The following ACTN3 variants were observed in gnomAD, a reference collection of about 807,000 sequenced individuals.
ACTN3 encodes alpha-actinin-3.
Under a neutral mutation model 119.6 loss-of-function variants are expected in ACTN3, and 91 were observed. The observed-to-expected ratio is 0.76, with a 90% CI of 0.64 to 0.91. The LOEUF is 0.91. ACTN3 is among the 40% of genes least tolerant of loss of function. The pLI is 0.00. For synonymous variants in ACTN3, 456 were observed against 478.8 expected (o/e 0.95, Z 0.62); for missense variants, 1,221 against 1,215.1 (o/e 1.00, Z -0.07).
intron 3 of ACTN3, 41 bp downstream of exon 3, chr11:66,551,688 G>T: frequency 6.2e-7 from 1 of 1,609,650 alleles, no homozygotes; most frequent in Non-Finnish European, 8.5e-7. Context: ...GGGCACAGGG[G>T]CCTCTCTTGA....
Position 66,557,448 on chromosome 11 carries a change from G to C in ACTN3, c.897+223G>C, listed in dbSNP as rs529264586. On this transcript the variant is annotated intron_variant, in intron 9 of 20. Coordinates refer to ENST00000513398, the MANE Select transcript of ACTN3 (RefSeq NM_001104.4). Reference sequence around the variant, plus strand: ...TCATTCATCCATTTACTTCTGCATCGATCCATTCACTTGTATTTAAGTAGT... The same window carrying C: ...TCATTCATCCATTTACTTCTGCATCCATCCATTCACTTGTATTTAAGTAGT... Among the ~76,000 whole-genome samples, 6 of 152,296 alleles carry C rather than the reference G, an allele frequency of 3.9e-5. No homozygotes were observed. The East Asian group carries it at 5.8e-4, about 15-fold the overall frequency.
Position 66,561,513 on chromosome 11 carries a change from G to A in ACTN3, c.2051G>A (p.Gly684Glu), listed in dbSNP as rs1011099326. The change falls in exon 17 of 21, where the codon GGG becomes GAG. Residue 684 changes from glycine to glutamate, a missense_variant. By Grantham distance (98) the Gly-to-Glu change is moderately conservative (BLOSUM62 -2). Around this residue, in one of 3 missense-constraint regions of ACTN3, gnomAD observed 934 missense variants for 899.9 expected, o/e 1.04. Coordinates refer to ENST00000513398, the MANE Select transcript of ACTN3 (RefSeq NM_001104.4). ...GGCTCTCTGGAGGAGCAGATGGCTG[G>A]GCTACGGCAGCAGGAGCAGAACATT... The part of the protein sequence containing the change: ...LAGSLEEQMA[G>E]LRQQEQNIIN... 1 of 1,606,370 alleles carries A rather than the reference G, an allele frequency of 6.2e-7. No individual in the cohort carries two copies. Among genetic ancestry groups the A allele is most frequent in the Non-Finnish European group, 8.5e-7 (1 of 1,176,526 alleles).
chr11:66,559,529 C>A, intron 12 of ACTN3, 143 bp downstream of exon 12: 2 of 819,782 alleles, frequency 2.4e-6, no homozygotes, highest in African/African-American at 1.7e-5. Context: ...AGGTCCCATT[C>A]GCTCCGCCCC....
At position 66,554,312 on chromosome 11, in the gene ACTN3, G is replaced by A. The variant is rs1024614282; in HGVS notation, c.469+181G>A. ...TACCAAAAAAAAAAAAAAAAAAAAA[G>A]CTGGCCATGGTGGCATGTGCCTATA... On this transcript the variant is annotated intron_variant, in intron 4 of 20. Transcript: ENST00000513398. Among the ~76,000 whole-genome samples, 46 of 136,194 alleles carry A rather than the reference G, an allele frequency of 3.4e-4. No homozygotes were observed. The East Asian group carries it at 7.8e-3, about 23-fold the overall frequency. The allele number at this position is 136,194 out of a possible 152,430, so 89.3% of individuals were successfully genotyped here. A position where few individuals can be genotyped will look rare whatever the true frequency, so the allele number is the denominator to read the frequency against.
chr11:66,555,632 G>A (rs1038772975), intron 7 of ACTN3, among the ~76,000 whole-genome samples: 1 of 152,230 alleles, frequency 6.6e-6, no homozygotes, highest in Non-Finnish European at 1.5e-5. Context: ...TACCTGGGAT[G>A]TTGGTCCCCC....
intron 17 of ACTN3, 84 bp downstream of exon 17, chr11:66,561,721 T>C (rs1022445045): frequency 6.8e-7 from 1 of 1,468,770 alleles, no homozygotes; most frequent in Non-Finnish European, 9.2e-7. Flanking sequence ...AGAGCATGTG[T>C]GTCCCAGCAG....
In ACTN3 at chr11:66,554,038, C is replaced by A; in HGVS notation, c.383-7C>A. The A allele has an allele frequency of 6.2e-7, 1 of 1,613,424 alleles. No homozygotes were observed. The highest frequency in any genetic ancestry group is 8.5e-7 in the Non-Finnish European group (1 of 1,179,634). Reference sequence around the variant, plus strand: ...GGCAAATCTGTCCCCTGACCCCTGCCCTGCAGAGATTGTTGACGGGAACCT... The same window carrying A: ...GGCAAATCTGTCCCCTGACCCCTGCACTGCAGAGATTGTTGACGGGAACCT... On this transcript the variant is annotated splice_region_variant and splice_polypyrimidine_tract_variant and intron_variant, in intron 3 of 20. Transcript: ENST00000513398.
intron 11 of ACTN3, 107 bp downstream of exon 11, chr11:66,558,281 C>G: frequency 6.8e-7 from 1 of 1,481,086 alleles, no homozygotes; most frequent in South Asian, 1.3e-5. Flanking sequence ...AGGGTAGGTG[C>G]TCTGCAGGAA....
chr11:66,546,432 C>A (rs1857340116), upstream of ACTN3: 1 of 1,104,874 alleles, frequency 9.1e-7, no homozygotes, highest in Non-Finnish European at 1.3e-6. Context: ...GGCTCAGAGC[C>A]GTTCCCCATG....
At chr11:66,550,881 G>GC (rs1299432967) in intron 1 of ACTN3, among the ~76,000 whole-genome samples, 1 of 152,134 alleles carries the variant, frequency 6.6e-6, no homozygotes. Flanking sequence ...ATATCACCCT[G>GC]CACTGGCTCC....
chr11:66,560,113 G>A (rs1160233912), intron 13 of ACTN3, 37 bp downstream of exon 13: 2 of 1,545,924 alleles, frequency 1.3e-6, no homozygotes, highest in Admixed American at 3.9e-5. Context: ...GGGTGGGTAG[G>A]TGGGTGAGGC....
At chr11:66,559,936 G>C in intron 12 of ACTN3, 32 bp from the exon 13 acceptor site, 1 of 1,555,912 alleles carries the variant, frequency 6.4e-7, no homozygotes, top group East Asian at 2.4e-5. Context: ...GGCTGGGGCT[G>C]GCCCCACACT....
chr11:66,558,299 G>A lies in ACTN3; in HGVS notation c.1276+125G>A, dbSNP rs1448574216. On this transcript the variant is annotated intron_variant, in intron 11 of 20. Transcript: ENST00000513398. ...GTAGGTGCTCTGCAGGAAAGCCAGA[G>A]ACTGGATTTCTAGTCCCACCCTGAC... is the stretch of plus-strand genomic sequence containing the variant. 1.3e-5 allele frequency: 18 copies of A among 1,387,684 alleles called. No individual in the cohort carries two copies. The Middle Eastern group carries it at 7.5e-4, about 58-fold the overall frequency. 86.0% of individuals were successfully genotyped at this position (1,387,684 alleles called of 1,614,324 possible).
chr11:66,561,536 ATT>A lies in ACTN3; in HGVS notation c.2075_2076del (p.Ile692AsnfsTer6), dbSNP rs1857764801. ...TGGGCTACGGCAGCAGGAGCAGAAC[ATT>A]ATCAACTACAAGACTAACATTGACC... is the stretch of plus-strand genomic sequence containing the variant. ...MAGLRQQEQN[I>X]INYKTNIDRL... On this transcript the variant is annotated frameshift_variant, in exon 17 of 21. Coordinates refer to ENST00000513398, the MANE Select transcript of ACTN3 (RefSeq NM_001104.4). LOFTEE classifies it high-confidence loss of function. The A allele has an allele frequency of 6.2e-7, 1 of 1,611,014 alleles. No individual in the cohort carries two copies. The highest frequency in any genetic ancestry group is 1.3e-5 in the African/African-American group (1 of 74,874).
Position 66,560,312 on chromosome 11 carries a change from GT to G in ACTN3, c.1677+2del. The stretch of plus-strand genomic sequence containing the variant: ...GGTACACTCTGTGGAGGAGACCCAG[GT>G]GGGTGCCAGGGTTGCAGGGGATGGA... On this transcript the variant is annotated splice_donor_variant, in intron 14 of 20. Coordinates refer to ENST00000513398, the MANE Select transcript of ACTN3 (RefSeq NM_001104.4). LOFTEE classifies it high-confidence loss of function. 1 of 1,612,000 alleles carries G rather than the reference GT, an allele frequency of 6.2e-7. No individual in the cohort carries two copies. Among genetic ancestry groups the G allele is most frequent in the South Asian group, 1.1e-5 (1 of 90,660 alleles).
At chr11:66,549,599 C>T (rs369539518) in intron 1 of ACTN3, among the ~76,000 whole-genome samples, 6 of 151,968 alleles carry the variant, frequency 3.9e-5, no homozygotes, top group East Asian at 3.9e-4. Context: ...GGCGTGGCGA[C>T]GCATGCCTGT....
rs543456238 is a variant in ACTN3, at chr11:66,554,568, T to G, written c.502T>G (p.Cys168Gly). ...AGCCAAGGAAGGCTTGCTTCTGTGGTGCCAGAGGAAGACAGCACCGTACCG... is the reference window on the plus strand; with the variant it reads ...AGCCAAGGAAGGCTTGCTTCTGTGGGGCCAGAGGAAGACAGCACCGTACCG... ...TSAKEGLLLW[C>G]QRKTAPYRNV... is the part of the protein sequence containing the mutation. Residue 168 changes from cysteine to glycine, a missense_variant, in exon 5 of 21, where the codon TGC becomes GGC. By Grantham distance (159) the Cys-to-Gly change is radical. Transcript: ENST00000513398. The G allele has an allele frequency of 6.2e-7, 1 of 1,611,782 alleles. No individual in the cohort carries two copies. Among genetic ancestry groups the G allele is most frequent in the East Asian group, 2.2e-5 (1 of 44,790 alleles).
At position 66,563,037 on chromosome 11, in the gene ACTN3, C is replaced by T. The variant is rs1857828166; in HGVS notation, c.2550C>T (p.Asn850=). The change falls in exon 21 of 21, where the codon AAC becomes AAT. Residue 850 remains asparagine (N), a splice_region_variant and synonymous_variant. Coordinates refer to ENST00000513398, the MANE Select transcript of ACTN3 (RefSeq NM_001104.4). The part of the protein sequence containing the change: ...ASFKILAGDK[N]YITPEELRRE... ...TCCTCAACGCCTCTTCTCCCCAGAACTACATCACCCCCGAGGAGCTGCGGC... is the reference window on the plus strand; with the variant it reads ...TCCTCAACGCCTCTTCTCCCCAGAATTACATCACCCCCGAGGAGCTGCGGC... 2 of 1,610,918 alleles carry T rather than the reference C, an allele frequency of 1.2e-6. No individual in the cohort carries two copies. Among genetic ancestry groups the T allele is most frequent in the Non-Finnish European group, 1.7e-6 (2 of 1,178,276 alleles).
chr11:66,551,329 A>T lies in ACTN3; in HGVS notation c.238A>T (p.Met80Leu), dbSNP rs764784538. Residue 80 changes from methionine (M) to leucine (L), a missense_variant, in exon 2 of 21, where the codon ATG (methionine) becomes TTG (leucine). Transcript: ENST00000513398. ...EEDFRNGLKL[M>L]LLLEVISGER... Reference sequence around the variant, plus strand: ...AGATTTCCGCAATGGCCTCAAACTCATGCTGCTCCTGGAGGTCATTTCAGG... The same window carrying T: ...AGATTTCCGCAATGGCCTCAAACTCTTGCTGCTCCTGGAGGTCATTTCAGG... 8 of 1,608,910 alleles carry T rather than the reference A, an allele frequency of 5.0e-6. No individual in the cohort carries two copies. Among genetic ancestry groups the T allele is most frequent in the Non-Finnish European group, 5.9e-6 (7 of 1,177,244 alleles).
Sources: allele counts gnomAD v4.1 joint callset (sites outside exome capture counted in the v4.1 genomes callset), GRCh38; gene constraint gnomAD v4.1.1; regional missense constraint gnomAD v4.1.1; transcripts MANE v1.5; gene names NCBI Gene and HGNC (gene_info 2026-07-23, HGNC 2026-07-21).